The following FAM81B variants were observed in gnomAD, a reference collection of about 807,000 sequenced individuals.
The protein encoded by FAM81B is family with sequence similarity 81 member B, also known as protein FAM81B.
In FAM81B, 60 loss-of-function variants were observed where a neutral mutation model predicts 58.7. That is an observed-to-expected ratio of 1.02 (90% CI 0.83 to 1.27). FAM81B has a LOEUF of 1.27. FAM81B is among the 50% of genes most tolerant of loss of function. FAM81B has a pLI of 0.00. For missense variants in FAM81B, 491 were observed against 522.0 expected, an observed-to-expected ratio of 0.94 and a Z score of 0.58; for synonymous variants, 189 against 179.6, an observed-to-expected ratio of 1.05 and a Z score of -0.42.
Position 95,413,995 on chromosome 5 carries a change from A to G in FAM81B, c.342A>G (p.Leu114=), listed in dbSNP as rs781547980. The change falls in exon 4 of 10, where the codon CTA becomes CTG. Residue 114 remains leucine (L), a synonymous_variant. Coordinates refer to ENST00000283357, the MANE Select transcript of FAM81B (RefSeq NM_152548.3). ...PIIPNTQRGQ[L]EDRLNNQART... The stretch of plus-strand genomic sequence containing the variant: ...TTCCAAACACCCAGAGAGGTCAGCT[A>G]GAAGACAGACTGAACAACCAGGCGC... The G allele has an allele frequency of 1.9e-6, 3 of 1,614,064 alleles. No individual in the cohort carries two copies. The highest frequency in any genetic ancestry group is 1.7e-5 in the Admixed American group (1 of 60,006).
intron 3 of FAM81B, among the ~76,000 whole-genome samples, chr5:95,412,821 T>C (rs957262463): frequency 6.6e-6 from 1 of 152,196 alleles, no homozygotes; most frequent in African/African-American, 2.4e-5. Flanking sequence ...TGGGGCATGA[T>C]GGCATACAGT....
chr5:95,442,688 GTCTT>G (rs1294322477), intron 7 of FAM81B, among the ~76,000 whole-genome samples: 1 of 152,174 alleles, frequency 6.6e-6, no homozygotes, highest in African/African-American at 2.4e-5. Flanking sequence ...AGAAACAAAA[GTCTT>G]TCTATCAGAG....
At chr5:95,430,106 G>T (rs1744811394) in intron 6 of FAM81B, among the ~76,000 whole-genome samples, 2 of 151,890 alleles carry the variant, frequency 1.3e-5, no homozygotes, top group African/African-American at 4.8e-5. Flanking sequence ...ATTTAATTTG[G>T]CATCAGGATT....
At chr5:95,408,102 G>GAGAA (rs1483292187) in intron 3 of FAM81B, among the ~76,000 whole-genome samples, 2 of 151,906 alleles carry the variant, frequency 1.3e-5, no homozygotes, top group Non-Finnish European at 2.9e-5. Context: ...GAGAGAGAGA[G>GAGAA]AGAGAGAGAG....
chr5:95,396,108 T>G lies in FAM81B; in HGVS notation c.229-3T>G. On this transcript the variant is annotated splice_region_variant and splice_polypyrimidine_tract_variant and intron_variant, in intron 2 of 9. Coordinates refer to ENST00000283357, the MANE Select transcript of FAM81B (RefSeq NM_152548.3). ...TATTCTGAATCTGTAACCTTTGTTT[T>G]AGGTAAGATTATCTCCAGCCAAAAT... 1 of 1,605,684 alleles carries G rather than the reference T, an allele frequency of 6.2e-7. No homozygotes were observed. The highest frequency in any genetic ancestry group is 8.5e-7 in the Non-Finnish European group (1 of 1,175,538).
chr5:95,433,779 C>T (rs1408244624), intron 6 of FAM81B, among the ~76,000 whole-genome samples: 2 of 152,114 alleles, frequency 1.3e-5, no homozygotes, highest in Admixed American at 1.3e-4. Flanking sequence ...TTTTAGTCTA[C>T]TGCTGTCTTG....
Position 95,392,828 on chromosome 5 carries a change from G to A in FAM81B, c.159G>A (p.Ala53=). 6 of 1,612,026 alleles carry A rather than the reference G, an allele frequency of 3.7e-6. No homozygotes were observed. The highest frequency in any genetic ancestry group is 2.2e-5 in the East Asian group (1 of 44,844). ...TNVNKSASPT[A]TAEEQPVEPD... ...TAAACAAAAGTGCCTCTCCAACTGC[G>A]ACTGCAGAGGAACAGCCAGTTGAAC... Residue 53 remains alanine (A), a synonymous_variant, in exon 2 of 10, where the codon GCG becomes GCA. Coordinates refer to ENST00000283357, the MANE Select transcript of FAM81B (RefSeq NM_152548.3).
intron 3 of FAM81B, among the ~76,000 whole-genome samples, chr5:95,403,283 A>G (rs1280838969): frequency 1.3e-5 from 2 of 152,240 alleles, no homozygotes; most frequent in East Asian, 3.8e-4. Flanking sequence ...CAATTCAAGT[A>G]TAAGAAATAC....
At chr5:95,425,914 CT>C (rs201974622) in intron 5 of FAM81B, among the ~76,000 whole-genome samples, 12 of 147,626 alleles carry the variant, frequency 8.1e-5, no homozygotes, top group African/African-American at 2.7e-4. Flanking sequence ...TTTATAGATT[CT>C]TTTTTTTAGA....
At position 95,448,476 on chromosome 5, in the gene FAM81B, C is replaced by A. The variant is rs1259531201; in HGVS notation, c.1225+12C>A. 2 of 1,584,220 alleles carry A rather than the reference C, an allele frequency of 1.3e-6. No homozygotes were observed. Among genetic ancestry groups the A allele is most frequent in the African/African-American group, 1.4e-5 (1 of 73,032 alleles). On this transcript the variant is annotated intron_variant, in intron 9 of 9. Coordinates refer to ENST00000283357, the MANE Select transcript of FAM81B (RefSeq NM_152548.3). ...TGAATATCAATCAGGTGAGCAGATACCTTTTATTAAGTAAAGAATATCTGT... is the reference window on the plus strand; with the variant it reads ...TGAATATCAATCAGGTGAGCAGATAACTTTTATTAAGTAAAGAATATCTGT...
chr5:95,414,296 A>T, intron 4 of FAM81B, 106 bp downstream of exon 4: 1 of 1,216,868 alleles, frequency 8.2e-7, no homozygotes, highest in South Asian at 1.5e-5. Flanking sequence ...GAAATATATC[A>T]CTATTGCTTA....
At chr5:95,421,063 A>G (rs887846483) in intron 5 of FAM81B, among the ~76,000 whole-genome samples, 8 of 152,346 alleles carry the variant, frequency 5.3e-5, no homozygotes, top group Middle Eastern at 6.8e-3. Flanking sequence ...TTAGATAATT[A>G]CTACCTAAGA....
chr5:95,398,432 AAATAAATAAATAAAT>A (rs1762018799), intron 3 of FAM81B, among the ~76,000 whole-genome samples: 1 of 128,900 alleles, frequency 7.8e-6, no homozygotes, highest in Admixed American at 8.3e-5. Flanking sequence ...ATAAATAAAT[AAATAAATAAATAAAT>A]AAATAAAAAA....
At chr5:95,397,222 T>C (rs1761988055) in intron 3 of FAM81B, among the ~76,000 whole-genome samples, 1 of 152,222 alleles carries the variant, frequency 6.6e-6, no homozygotes, top group African/African-American at 2.4e-5. Flanking sequence ...TTTTTCATGT[T>C]CCACATAACT....
At chr5:95,440,117 A>G (rs1745273868) in intron 7 of FAM81B, 1 of 550,346 alleles carries the variant, frequency 1.8e-6, no homozygotes, top group African/African-American at 1.9e-5. Context: ...TTTAAGAAAC[A>G]TCCACAGCAG....
chr5:95,398,955 T>C (rs1165971187), intron 3 of FAM81B, among the ~76,000 whole-genome samples: 1 of 152,238 alleles, frequency 6.6e-6, no homozygotes, highest in African/African-American at 2.4e-5. Flanking sequence ...TTTGAAAGTC[T>C]CTGGAGAAAA....
chr5:95,428,766 T>A, intron 6 of FAM81B, 34 bp downstream of exon 6: 1 of 1,612,892 alleles, frequency 6.2e-7, no homozygotes, highest in South Asian at 1.1e-5. Flanking sequence ...ATATTACGTG[T>A]TACTGCCAGA....
intron 6 of FAM81B, among the ~76,000 whole-genome samples, chr5:95,429,290 T>C (rs1744775993): frequency 6.6e-6 from 1 of 152,172 alleles, no homozygotes; most frequent in Admixed American, 6.5e-5. Flanking sequence ...TTACACATCT[T>C]CCTCTAGTTT....
chr5:95,403,391 A>G (rs73778812), intron 3 of FAM81B, among the ~76,000 whole-genome samples: 4,148 of 152,320 alleles, frequency 0.027, 189 homozygotes, highest in African/African-American at 0.094. Context: ...GACTAGAGTA[A>G]ATATTGTATA....
Sources: gnomAD v4.1 joint callset for allele counts (sites outside exome capture counted in the v4.1 genomes callset) on GRCh38, gnomAD v4.1.1 for gene constraint, MANE v1.5 for transcripts, NCBI Gene and HGNC (gene_info 2026-07-23, HGNC 2026-07-21) for gene names.